The following SHH variants were observed in gnomAD, a reference collection of about 807,000 sequenced individuals.
The protein encoded by SHH is sonic hedgehog protein.
SHH carries 3 observed loss-of-function variants against 16.6 expected under a neutral mutation model. The ratio of observed to expected loss-of-function variants is 0.18; its 90% CI spans 0.08 to 0.47. SHH has a LOEUF of 0.47. Among genes scored for constraint, SHH ranks in the 20% least tolerant of loss-of-function variants. The pLI is 0.98. For synonymous variants in SHH, 351 were observed against 316.2 expected, an observed-to-expected ratio of 1.11 and a Z score of -1.17; for missense variants, 499 against 665.0, an observed-to-expected ratio of 0.75 and a Z score of 2.75.
rs777191968 is a variant in SHH at position 155,800,162 on chromosome 7, C to T, written c.*2738G>A. The T allele has an allele frequency of 4.9e-5, 23 of 471,426 alleles. 1 individual carries two copies. The highest frequency in any genetic ancestry group is 2.3e-4 in the South Asian group (15 of 64,566). 29.2% of individuals were successfully genotyped at this position (471,426 alleles called of 1,614,324 possible). A position where few individuals can be genotyped will look rare whatever the true frequency, so the allele number is the denominator to read the frequency against. On this transcript the variant is annotated 3_prime_UTR_variant, in exon 3 of 3. Transcript: ENST00000297261. ...GCTCCGTCAACCCTGAATGAGAAGT[C>T]GGCGCCTCGTCCTGGCGGGGCTGGG...
At position 155,806,414 on chromosome 7, in the gene SHH, G is replaced by A. The variant is rs1432912647; in HGVS notation, c.444C>T (p.Ile148=). Residue 148 remains isoleucine (I), a synonymous_variant, in exon 2 of 3, where the codon ATC becomes ATT. Coordinates refer to ENST00000297261, the MANE Select transcript of SHH (RefSeq NM_000193.4). ...SLHYEGRAVD[I]TTSDRDRSKY... ...TGCTGCGGTCGCGGTCAGACGTGGT[G>A]ATGTCCACTGCGCGGCCCTCGTAGT... 2 of 1,613,816 alleles carry A rather than the reference G, an allele frequency of 1.2e-6. No homozygotes were observed. Among genetic ancestry groups the A allele is most frequent in the South Asian group, 1.1e-5 (1 of 91,088 alleles).
In SHH at chr7:155,807,788, G is replaced by T. The variant is rs1803404697; in HGVS notation, c.301-1231C>A. ...GGCATCCCCCAAGAAGCTGCGCCAA[G>T]TGGAGGCCGAGGGGCAATTTCAAGG... On this transcript the variant is annotated intron_variant, in intron 1 of 2. Coordinates refer to ENST00000297261, the MANE Select transcript of SHH (RefSeq NM_000193.4). The surrounding 1 kb of genome is among the most constrained non-coding windows in gnomAD (Gnocchi z 7.1). Among the ~76,000 whole-genome samples, 1 of 152,158 alleles carries T rather than the reference G, an allele frequency of 6.6e-6. No homozygotes were observed. The highest frequency in any genetic ancestry group is 6.5e-5 in the Admixed American group (1 of 15,268).
rs544429922 is a variant in SHH, at chr7:155,809,957, G to A, written c.300+1866C>T. ...CCGGCGGAGCCCGCGATGCGCCCCG[G>A]CCCCTGCGCGGGCGCCCCCATCTCC... On this transcript the variant is annotated intron_variant, in intron 1 of 2. Transcript: ENST00000297261. The surrounding 1 kb of genome is among the most constrained non-coding windows in gnomAD (Gnocchi z 6.1). Among the ~76,000 whole-genome samples, 13 of 151,792 alleles carry A rather than the reference G, an allele frequency of 8.6e-5. No individual in the cohort carries two copies. In the South Asian group the frequency reaches 2.3e-3, roughly 27 times the overall value.
Position 155,803,275 on chromosome 7 carries a change from G to A in SHH, c.1014C>T (p.Ser338=). 1 of 1,504,058 alleles carries A rather than the reference G, an allele frequency of 6.6e-7. No homozygotes were observed. The highest frequency in any genetic ancestry group is 8.8e-7 in the Non-Finnish European group (1 of 1,134,044). The allele number at this position is 1,504,058 out of a possible 1,614,324, so 93.2% of individuals were successfully genotyped here. Reference sequence around the variant, plus strand: ...GCGCGTAGGCGCCCGCGGCCTCCTCGCTTAGGGTCACGCTGTGCACAGCGG... The same window carrying A: ...GCGCGTAGGCGCCCGCGGCCTCCTCACTTAGGGTCACGCTGTGCACAGCGG... The part of the protein sequence containing the change: ...LPAAVHSVTL[S]EEAAGAYAPL... The change falls in exon 3 of 3, where the codon AGC becomes AGT. Residue 338 remains serine (S), a synonymous_variant. Transcript: ENST00000297261.
At position 155,803,469 on chromosome 7, in the gene SHH, C is replaced by G. The variant is rs756468008; in HGVS notation, c.820G>C (p.Val274Leu). The change falls in exon 3 of 3, where the codon GTG (valine) becomes CTG (leucine). Residue 274 changes from valine (V) to leucine (L), a missense_variant. This residue lies in a region of SHH where 299 missense variants were observed against 301.1 expected (regional missense o/e 0.99). Transcript: ENST00000297261. ...LLLTAAHLLF[V>L]APHNDSATGE... is the part of the protein sequence containing the mutation. ...GTGGCCGAGTCGTTGTGCGGCGCCA[C>G]AAAGAGCAGGTGCGCGGCGGTGAGC... is the stretch of plus-strand genomic sequence containing the variant. 2 of 1,557,812 alleles carry G rather than the reference C, an allele frequency of 1.3e-6. No individual in the cohort carries two copies. Among genetic ancestry groups the G allele is most frequent in the Non-Finnish European group, 1.7e-6 (2 of 1,156,304 alleles).
Position 155,803,501 on chromosome 7 carries a change from C to A in SHH, c.788G>T (p.Arg263Leu). 1 of 1,574,280 alleles carries A rather than the reference C, an allele frequency of 6.4e-7. No individual in the cohort carries two copies. The highest frequency in any genetic ancestry group is 1.1e-5 in the South Asian group (1 of 87,550). Residue 263 changes from arginine to leucine, a missense_variant, in exon 3 of 3, where the codon CGC becomes CTC. Physicochemically the swap from Arg to Leu is moderately radical, Grantham distance 102. Coordinates refer to ENST00000297261, the MANE Select transcript of SHH (RefSeq NM_000193.4). ...YVIETREPRE[R>L]LLLTAAHLLF... is the part of the protein sequence containing the mutation. The stretch of plus-strand genomic sequence containing the variant: ...CAGGTGCGCGGCGGTGAGCAGCAGG[C>A]GCTCGCGCGGCTCCCGCGTCTCGAT...
At chr7:155,806,686 G>C in intron 1 of SHH, 129 bp from the exon 2 acceptor site, 1 of 1,211,706 alleles carries the variant, frequency 8.3e-7, no homozygotes, top group Non-Finnish European at 1.2e-6. Context: ...GTGGGGAGAC[G>C]GGGGTTGGAA....
At position 155,803,493 on chromosome 7, in the gene SHH, G is replaced by T. The variant is rs1420292012; in HGVS notation, c.796C>A (p.Leu266Ile). The T allele has an allele frequency of 1.3e-6, 2 of 1,571,632 alleles. No homozygotes were observed. Among genetic ancestry groups the T allele is most frequent in the Non-Finnish European group, 1.7e-6 (2 of 1,163,510 alleles). Residue 266 changes from leucine (L) to isoleucine (I), a missense_variant, in exon 3 of 3, where the codon CTC becomes ATC. Transcript: ENST00000297261. ...ETREPRERLL[L>I]TAAHLLFVAP... is the part of the protein sequence containing the mutation. Reference sequence around the variant, plus strand: ...ACAAAGAGCAGGTGCGCGGCGGTGAGCAGCAGGCGCTCGCGCGGCTCCCGC... The same window carrying T: ...ACAAAGAGCAGGTGCGCGGCGGTGATCAGCAGGCGCTCGCGCGGCTCCCGC...
At chr7:155,806,871 G>A (rs930859958) in intron 1 of SHH, 3 of 483,364 alleles carry the variant, frequency 6.2e-6, no homozygotes, top group African/African-American at 3.9e-5. Context: ...TCTGAAACAA[G>A]TGACCTGCAT....
intron 2 of SHH, among the ~76,000 whole-genome samples, 184 bp downstream of exon 2, chr7:155,806,112 G>T (rs541319782): frequency 1.6e-4 from 25 of 152,324 alleles, no homozygotes; most frequent in African/African-American, 6.0e-4. Flanking sequence ...TGGCCTCAAA[G>T]GTAGGGGTGA....
chr7:155,809,078 G>C lies in SHH; in HGVS notation c.301-2521C>G, dbSNP rs1803443109. 1 of 152,256 alleles carries C rather than the reference G, an allele frequency of 6.6e-6. No individual in the cohort carries two copies. Among genetic ancestry groups the C allele is most frequent in the African/African-American group, 2.4e-5 (1 of 41,420 alleles). 9.4% of individuals were successfully genotyped at this position (152,256 alleles called of 1,614,324 possible). A position where few individuals can be genotyped will look rare whatever the true frequency, so the allele number is the denominator to read the frequency against. ...GGACCCCACTCCAGGCTTCAGATCC[G>C]GCCCTCTGGCCTCCTGCCCCTTAGG... On this transcript the variant is annotated intron_variant, in intron 1 of 2. Transcript: ENST00000297261. The surrounding 1 kb of genome is among the most constrained non-coding windows in gnomAD (Gnocchi z 6.1).
Position 155,802,035 on chromosome 7 carries a change from A to G in SHH, c.*865T>C, listed in dbSNP as rs1803190817. The G allele has an allele frequency of 6.6e-6, 1 of 150,736 alleles. No homozygotes were observed. Among genetic ancestry groups the G allele is most frequent in the Admixed American group, 6.6e-5 (1 of 15,118 alleles). 9.3% of individuals were successfully genotyped at this position (150,736 alleles called of 1,614,324 possible). ...CTTTTAAAAAATATTATTTTCTAATAAATTCTTTGAAGTTAAAAATAACAG... is the reference window on the plus strand; with the variant it reads ...CTTTTAAAAAATATTATTTTCTAATGAATTCTTTGAAGTTAAAAATAACAG... On this transcript the variant is annotated 3_prime_UTR_variant, in exon 3 of 3. Coordinates refer to ENST00000297261, the MANE Select transcript of SHH (RefSeq NM_000193.4).
intron 2 of SHH, among the ~76,000 whole-genome samples, chr7:155,804,421 A>C (rs911287095): frequency 6.6e-6 from 1 of 152,248 alleles, no homozygotes; most frequent in Non-Finnish European, 1.5e-5. Context: ...TAAAGGGCCC[A>C]GCATTGTCAT....
rs1346042441 is a variant in SHH at position 155,806,411 on chromosome 7, G to C, written c.447C>G (p.Thr149=). Residue 149 remains threonine (T), a synonymous_variant, in exon 2 of 3, where the codon ACC becomes ACG. Coordinates refer to ENST00000297261, the MANE Select transcript of SHH (RefSeq NM_000193.4). ...ACTTGCTGCGGTCGCGGTCAGACGT[G>C]GTGATGTCCACTGCGCGGCCCTCGT... ...LHYEGRAVDI[T]TSDRDRSKYG... 6.2e-7 allele frequency: 1 copy of C among 1,613,774 alleles called. No homozygotes were observed. Among genetic ancestry groups the C allele is most frequent in the Non-Finnish European group, 8.5e-7 (1 of 1,180,038 alleles).
At position 155,801,655 on chromosome 7, in the gene SHH, G is replaced by A. The variant is rs1803183055; in HGVS notation, c.*1245C>T. Reference sequence around the variant, plus strand: ...ACAGAGCTGAGGTTTCTCCAGCCATGAGAAGAAACAAGTTGGTTTGTGTGC... The same window carrying A: ...ACAGAGCTGAGGTTTCTCCAGCCATAAGAAGAAACAAGTTGGTTTGTGTGC... On this transcript the variant is annotated 3_prime_UTR_variant, in exon 3 of 3. Transcript: ENST00000297261. 1 of 152,240 alleles carries A rather than the reference G, an allele frequency of 6.6e-6. No homozygotes were observed. The highest frequency in any genetic ancestry group is 2.1e-4 in the South Asian group (1 of 4,830). The allele number at this position is 152,240 out of a possible 1,614,324, so 9.4% of individuals were successfully genotyped here.
chr7:155,808,298 C>A (rs1057095019), intron 1 of SHH, among the ~76,000 whole-genome samples: 1 of 152,242 alleles, frequency 6.6e-6, no homozygotes, highest in Non-Finnish European at 1.5e-5. Context: ...CAGGCGCACA[C>A]CACCAACACG....
chr7:155,808,258 G>A (rs1803417522), intron 1 of SHH, among the ~76,000 whole-genome samples: 1 of 152,244 alleles, frequency 6.6e-6, no homozygotes, highest in Non-Finnish European at 1.5e-5. Context: ...CAGGGTCAGT[G>A]TAGAGCTATG....
chr7:155,803,773 C>G, intron 2 of SHH, 47 bp from the exon 3 acceptor site: 1 of 1,511,908 alleles, frequency 6.6e-7, no homozygotes, highest in Non-Finnish European at 9.0e-7. Flanking sequence ...GCATTGAGTT[C>G]CGAGAGGGAG....
chr7:155,808,201 T>G (rs1803415945), intron 1 of SHH, among the ~76,000 whole-genome samples: 1 of 150,952 alleles, frequency 6.6e-6, no homozygotes, highest in Non-Finnish European at 1.5e-5. Context: ...TTGAGTGAGG[T>G]CATCTTGAGG....
Sources: gnomAD v4.1 joint callset for allele counts (sites outside exome capture counted in the v4.1 genomes callset) on GRCh38, gnomAD v4.1.1 for gene constraint, gnomAD v4.1.1 regional missense constraint, Gnocchi (gnomAD v3.1) non-coding constraint, MANE v1.5 for transcripts, NCBI Gene and HGNC (gene_info 2026-07-23, HGNC 2026-07-21) for gene names.